Variants in SLC24A2 observed in about 807,000 individuals in gnomAD.
The protein encoded by SLC24A2 is solute carrier family 24 member 2, also known as sodium/potassium/calcium exchanger 2.
In SLC24A2, 36 loss-of-function variants were observed where a neutral mutation model predicts 62.0. That is an observed-to-expected ratio of 0.58 (90% CI 0.44 to 0.77). SLC24A2 has a LOEUF of 0.77. Ranked by LOEUF, SLC24A2 falls within the 30% of genes least tolerant of loss-of-function variation. The pLI is 0.00. For missense variants in SLC24A2, 846 were observed against 817.9 expected (o/e 1.03, Z -0.42); for synonymous variants, 358 against 294.0 (o/e 1.22, Z -2.23).
At chr9:20,121,894 T>C in the SLC24A2 span, among the ~76,000 whole-genome samples, 1 of 152,222 alleles carries the variant, frequency 6.6e-6, no homozygotes, top group Non-Finnish European at 1.5e-5. Flanking sequence ...TTCATCCTTA[T>C]ACATCTAGAG....
At chr9:19,825,942 T>C in the SLC24A2 span, among the ~76,000 whole-genome samples, 1 of 152,148 alleles carries the variant, frequency 6.6e-6, no homozygotes, top group Non-Finnish European at 1.5e-5. Flanking sequence ...TCTAGGCACA[T>C]GCCTATTGCC....
intron 2 of SLC24A2, among the ~76,000 whole-genome samples, chr9:19,700,114 C>A (rs987904827): frequency 6.6e-6 from 1 of 152,170 alleles, no homozygotes; most frequent in Admixed American, 6.5e-5. Flanking sequence ...TATATAAATG[C>A]AAGCTATGTC....
chr9:19,908,283 TA>T, the SLC24A2 span, among the ~76,000 whole-genome samples: 152,220 of 152,242 alleles, frequency 1, 76,099 homozygotes, highest in Middle Eastern at 1. Context: ...GCTAGCCATA[TA>T]TAGAAAGCTG....
the SLC24A2 span, among the ~76,000 whole-genome samples, chr9:19,849,835 A>C: frequency 6.6e-6 from 1 of 152,190 alleles, no homozygotes; most frequent in Non-Finnish European, 1.5e-5. Context: ...ATCAACAATC[A>C]AGGATATTTA....
At chr9:19,783,984 T>C (rs2118938337) in intron 2 of SLC24A2, among the ~76,000 whole-genome samples, 1 of 152,344 alleles carries the variant, frequency 6.6e-6, no homozygotes, top group Non-Finnish European at 1.5e-5. Context: ...ACCTGCTTTC[T>C]TTTTCAATCA....
the SLC24A2 span, among the ~76,000 whole-genome samples, chr9:19,799,615 C>T: frequency 1.3e-5 from 2 of 152,158 alleles, no homozygotes; most frequent in African/African-American, 4.8e-5. Context: ...CTGCATGAGC[C>T]AGATCTTGCC....
the SLC24A2 span, among the ~76,000 whole-genome samples, chr9:19,821,151 T>A: frequency 6.6e-6 from 1 of 151,944 alleles, no homozygotes; most frequent in African/African-American, 2.4e-5. Flanking sequence ...CACTTCTGTA[T>A]CCCCCAGAGT....
chr9:20,101,277 C>G, the SLC24A2 span, among the ~76,000 whole-genome samples: 1 of 152,182 alleles, frequency 6.6e-6, no homozygotes, highest in African/African-American at 2.4e-5. Context: ...ATAGAAGTGC[C>G]CCTGCATCAA....
chr9:19,596,795 T>C (rs77931587), intron 5 of SLC24A2, among the ~76,000 whole-genome samples: 4 of 152,174 alleles, frequency 2.6e-5, no homozygotes, highest in Non-Finnish European at 5.9e-5. Flanking sequence ...GTTCTGGGTA[T>C]AGAAGATACT....
At chr9:19,554,311 TAAAAA>T (rs1834978844) in intron 7 of SLC24A2, among the ~76,000 whole-genome samples, 4 of 152,256 alleles carry the variant, frequency 2.6e-5, no homozygotes, top group African/African-American at 7.2e-5. Context: ...GTGATACAAA[TAAAAA>T]GCAATACAGT....
chr9:19,783,564 A>T, intron 2 of SLC24A2, among the ~76,000 whole-genome samples: 1 of 152,218 alleles, frequency 6.6e-6, no homozygotes, highest in East Asian at 1.9e-4. Flanking sequence ...TTCAGGATGA[A>T]TCAAATTACA....
chr9:19,600,350 C>T, intron 4 of SLC24A2, among the ~76,000 whole-genome samples: 1 of 152,188 alleles, frequency 6.6e-6, no homozygotes, highest in East Asian at 1.9e-4. Context: ...AACTCTGTAT[C>T]ACACTAGCCA....
At chr9:19,613,592 C>T (rs1017934028) in intron 4 of SLC24A2, among the ~76,000 whole-genome samples, 35 of 152,140 alleles carry the variant, frequency 2.3e-4, no homozygotes, top group African/African-American at 7.7e-4. Context: ...TTAAAAAACC[C>T]TCTCTGGCAA....
chr9:20,200,354 C>A, the SLC24A2 span, among the ~76,000 whole-genome samples: 2 of 152,176 alleles, frequency 1.3e-5, no homozygotes, highest in Non-Finnish European at 2.9e-5. Context: ...GGTCAGTACA[C>A]TGAGCTGTAG....
the SLC24A2 span, among the ~76,000 whole-genome samples, chr9:20,212,808 A>G: frequency 2.0e-5 from 3 of 151,352 alleles, no homozygotes; most frequent in Non-Finnish European, 2.9e-5. Context: ...ATACATATTT[A>G]TAAAAATATA....
chr9:19,517,910 A>AACACACACACACACACAC (rs56840950), intron 10 of SLC24A2, among the ~76,000 whole-genome samples: 3 of 131,630 alleles, frequency 2.3e-5, no homozygotes, highest in African/African-American at 8.4e-5. Flanking sequence ...TTCTTATTAA[A>AACACACACACACACACAC]ACACACACAC....
chr9:19,836,043 A>C, the SLC24A2 span, among the ~76,000 whole-genome samples: 24 of 152,340 alleles, frequency 1.6e-4, no homozygotes, highest in African/African-American at 5.1e-4. Flanking sequence ...ACAAAGACAC[A>C]ACATACCAGA....
the SLC24A2 span, among the ~76,000 whole-genome samples, chr9:20,099,301 G>T: frequency 1.3e-5 from 2 of 152,146 alleles, no homozygotes; most frequent in East Asian, 3.8e-4. Flanking sequence ...GCCATTTGAC[G>T]ATTACAAATC....
chr9:19,948,750 C>G, the SLC24A2 span, among the ~76,000 whole-genome samples: 9 of 145,588 alleles, frequency 6.2e-5, no homozygotes, highest in African/African-American at 2.3e-4. Flanking sequence ...GAGGCTGAGG[C>G]AGGAGAATGG....
Sources: allele counts gnomAD v4.1 joint callset (sites outside exome capture counted in the v4.1 genomes callset), GRCh38; gene constraint gnomAD v4.1.1; transcripts MANE v1.5; gene names NCBI Gene and HGNC (gene_info 2026-07-23, HGNC 2026-07-21).